Variants in FUT8 observed in about 807,000 individuals in gnomAD.
FUT8 encodes the protein alpha-(1,6)-fucosyltransferase.
A neutral mutation model predicts 71.3 loss-of-function variants in FUT8; 29 were observed. That is an observed-to-expected ratio of 0.41 (90% CI 0.30 to 0.55). FUT8 has a LOEUF of 0.55. FUT8 is among the 20% of genes least tolerant of loss of function. The pLI, the probability that FUT8 is intolerant of heterozygous loss-of-function variation, is 0.34. For missense variants in FUT8, 544 were observed against 702.1 expected (o/e 0.77, Z 2.55); for synonymous variants, 254 against 239.3 (o/e 1.06, Z -0.57).
At chr14:65,414,814 T>G (rs2065195153) in intron 1 of FUT8, among the ~76,000 whole-genome samples, 1 of 152,162 alleles carries the variant, frequency 6.6e-6, no homozygotes, top group African/African-American at 2.4e-5. Context: ...GATGCAAAAA[T>G]GTATCTTTGG....
chr14:65,609,236 A>G (rs745398229), intron 3 of FUT8, among the ~76,000 whole-genome samples: 5 of 151,240 alleles, frequency 3.3e-5, no homozygotes, highest in Non-Finnish European at 7.4e-5. Context: ...TGGAGGTTGC[A>G]GTGAGCCAGG....
chr14:65,616,700 G>C (rs1338038077), intron 5 of FUT8, among the ~76,000 whole-genome samples: 1 of 152,178 alleles, frequency 6.6e-6, no homozygotes, highest in African/African-American at 2.4e-5. Context: ...ATTTGAAGTG[G>C]AGTGTGCAGT....
chr14:65,421,062 A>C (rs2065285955), intron 1 of FUT8, among the ~76,000 whole-genome samples: 1 of 151,982 alleles, frequency 6.6e-6, no homozygotes, highest in Non-Finnish European at 1.5e-5. Flanking sequence ...GCGTGGTTGC[A>C]TGTGCCTGTA....
intron 3 of FUT8, among the ~76,000 whole-genome samples, chr14:65,592,739 A>C (rs1382565864): frequency 6.6e-6 from 1 of 152,058 alleles, no homozygotes; most frequent in African/African-American, 2.4e-5. Flanking sequence ...CAGTCTGTTG[A>C]GTTATTGAAA....
At chr14:65,482,827 GCTGGAGAAACA>G (rs1368356655) in intron 2 of FUT8, among the ~76,000 whole-genome samples, 2 of 152,138 alleles carry the variant, frequency 1.3e-5, no homozygotes, top group African/African-American at 4.8e-5. Flanking sequence ...AGTACAGAGT[GCTGGAGAAACA>G]CTGCAGAGAA....
chr14:65,374,949 G>C, the FUT8 span, among the ~76,000 whole-genome samples: 1 of 152,078 alleles, frequency 6.6e-6, no homozygotes, highest in Non-Finnish European at 1.5e-5. Context: ...CTGTGGCTTA[G>C]AGCAATGAAT....
chr14:65,433,656 TA>T, intron 1 of FUT8, among the ~76,000 whole-genome samples: 1 of 152,236 alleles, frequency 6.6e-6, no homozygotes, highest in Non-Finnish European at 1.5e-5. Context: ...TAAAACCTGA[TA>T]TAATTTGCAT....
chr14:65,447,378 C>T (rs1283325961), intron 1 of FUT8, among the ~76,000 whole-genome samples: 2 of 151,294 alleles, frequency 1.3e-5, no homozygotes, highest in South Asian at 2.1e-4. Context: ...TTTTTAGTTT[C>T]CAGTAAATCA....
At chr14:65,418,957 G>A (rs2065256026) in intron 1 of FUT8, among the ~76,000 whole-genome samples, 2 of 152,116 alleles carry the variant, frequency 1.3e-5, no homozygotes, top group Admixed American at 6.5e-5. Context: ...GGCCGGGCGC[G>A]GTGGCTCATG....
At chr14:65,447,521 A>T (rs1052628656) in intron 1 of FUT8, among the ~76,000 whole-genome samples, 1 of 152,078 alleles carries the variant, frequency 6.6e-6, no homozygotes, top group African/African-American at 2.4e-5. Flanking sequence ...TAAAAGATTA[A>T]AACAATTTTT....
intron 2 of FUT8, among the ~76,000 whole-genome samples, chr14:65,548,505 G>GT (rs967181609): frequency 2.8e-4 from 42 of 151,174 alleles, no homozygotes; most frequent in African/African-American, 8.7e-4. Flanking sequence ...TTTTTTTGCA[G>GT]TTTTTTGTCT....
At chr14:65,597,223 A>G (rs1243129004) in intron 3 of FUT8, among the ~76,000 whole-genome samples, 1 of 152,150 alleles carries the variant, frequency 6.6e-6, no homozygotes, top group Non-Finnish European at 1.5e-5. Flanking sequence ...TCCTGTAAAA[A>G]CTATAGTTTA....
chr14:65,361,512 GTGCGGTGGCTTGCACC>G, the FUT8 span, among the ~76,000 whole-genome samples: 389 of 152,190 alleles, frequency 2.6e-3, 2 homozygotes, highest in Non-Finnish European at 3.3e-3. Flanking sequence ...CTATGGCCGG[GTGCGGTGGCTTGCACC>G]TGTAATCCCA....
chr14:65,627,145 CA>C lies in FUT8; in HGVS notation c.483-2339del, dbSNP rs998073787. ...AAAACAAAAAAATAAAAGAAGCAAC[CA>C]AAAAAAAGTTCATTCTTTTGGAGCT... On this transcript the variant is annotated intron_variant, in intron 5 of 10. Coordinates refer to ENST00000673929, the MANE Select transcript of FUT8 (RefSeq NM_001371533.1). This position sits in a 1 kb window ranked among gnomAD's most constrained non-coding sequence, Gnocchi z 4.0. Among the ~76,000 whole-genome samples the C allele has an allele frequency of 4.0e-5, 6 of 150,992 alleles. No individual in the cohort carries two copies. The East Asian group carries it at 5.8e-4, about 15-fold the overall frequency.
intron 3 of FUT8, among the ~76,000 whole-genome samples, chr14:65,599,305 A>T (rs74700715): frequency 6.6e-6 from 1 of 152,182 alleles, no homozygotes; most frequent in Non-Finnish European, 1.5e-5. Flanking sequence ...CTCATTGAGC[A>T]TTACCATGTT....
At chr14:65,539,898 C>A (rs1281995364) in intron 2 of FUT8, among the ~76,000 whole-genome samples, 3 of 152,200 alleles carry the variant, frequency 2.0e-5, no homozygotes, top group Admixed American at 1.3e-4. Context: ...TGGAGACACA[C>A]AGAATGAGTC....
chr14:65,395,487 G>A, the FUT8 span, among the ~76,000 whole-genome samples: 1 of 152,228 alleles, frequency 6.6e-6, no homozygotes, highest in Non-Finnish European at 1.5e-5. Flanking sequence ...TGATTTCTGT[G>A]TATCTGCAGG....
At chr14:65,482,495 T>C (rs2066347082) in intron 2 of FUT8, among the ~76,000 whole-genome samples, 1 of 152,186 alleles carries the variant, frequency 6.6e-6, no homozygotes, top group African/African-American at 2.4e-5. Flanking sequence ...AGGATAGACA[T>C]AAAGCCAACT....
At chr14:65,469,138 C>T (rs1270527434) in intron 2 of FUT8, among the ~76,000 whole-genome samples, 1 of 152,084 alleles carries the variant, frequency 6.6e-6, no homozygotes, top group Non-Finnish European at 1.5e-5. Context: ...TGTGAATCAC[C>T]ACTGTACTCC....
Sources: allele counts gnomAD v4.1 joint callset (sites outside exome capture counted in the v4.1 genomes callset), GRCh38; gene constraint gnomAD v4.1.1; non-coding constraint Gnocchi (gnomAD v3.1); transcripts MANE v1.5; gene names NCBI Gene and HGNC (gene_info 2026-07-23, HGNC 2026-07-21).